The following PRKG1 variants were observed in gnomAD, a reference collection of about 807,000 sequenced individuals.
The protein encoded by PRKG1 is cGMP-dependent protein kinase 1.
In PRKG1, 35 loss-of-function variants were observed where a neutral mutation model predicts 88.1. The observed-to-expected ratio is 0.40, with a 90% CI of 0.30 to 0.53. PRKG1 has a LOEUF of 0.53. PRKG1 is among the 20% of genes least tolerant of loss of function. The probability of loss-of-function intolerance (pLI) is 0.59; values close to 1 mark genes in which losing one functional copy is unlikely to be tolerated. For missense variants in PRKG1, 540 were observed against 839.8 expected, an observed-to-expected ratio of 0.64 and a Z score of 4.41; for synonymous variants, 303 against 292.5, an observed-to-expected ratio of 1.04 and a Z score of -0.37.
At chr10:51,150,187 A>G (rs1467051570) in intron 1 of PRKG1, among the ~76,000 whole-genome samples, 1 of 152,138 alleles carries the variant, frequency 6.6e-6, no homozygotes, top group Non-Finnish European at 1.5e-5. Flanking sequence ...CTCTGGGTTG[A>G]GCAGATGGCT....
intron 2 of PRKG1, among the ~76,000 whole-genome samples, chr10:51,332,709 ATAGT>A (rs528405776): frequency 2.6e-4 from 39 of 152,248 alleles, no homozygotes; most frequent in African/African-American, 8.9e-4. Context: ...ATCGATTAGT[ATAGT>A]TACTTTTTCA....
At chr10:51,527,924 C>A (rs1841922266) in intron 3 of PRKG1, among the ~76,000 whole-genome samples, 1 of 152,152 alleles carries the variant, frequency 6.6e-6, no homozygotes, top group South Asian at 2.1e-4. Flanking sequence ...GAATTTAGCT[C>A]CTTCTCGGGT....
chr10:51,594,387 T>C (rs1225766848), intron 3 of PRKG1, among the ~76,000 whole-genome samples: 1 of 152,204 alleles, frequency 6.6e-6, no homozygotes, highest in Non-Finnish European at 1.5e-5. Context: ...GTTCTGCAGG[T>C]AGCCATAAAG....
chr10:52,267,299 T>C (rs1005982393), intron 10 of PRKG1, among the ~76,000 whole-genome samples: 1 of 152,062 alleles, frequency 6.6e-6, no homozygotes, highest in African/African-American at 2.4e-5. Flanking sequence ...AATAGTGTGG[T>C]TCAGCCCCAG....
chr10:51,656,957 C>T (rs1375737616), intron 3 of PRKG1, among the ~76,000 whole-genome samples: 3 of 152,106 alleles, frequency 2.0e-5, no homozygotes, highest in Non-Finnish European at 4.4e-5. Flanking sequence ...ACTGTGTGGC[C>T]TTGGGCAAGT....
At chr10:51,490,938 C>T (rs10823078) in intron 3 of PRKG1, among the ~76,000 whole-genome samples, 41,712 of 151,772 alleles carry the variant, frequency 0.27, 6,027 homozygotes, top group Admixed American at 0.36. Context: ...TTTTCAGAAA[C>T]ACTTGAAATG....
At chr10:52,271,623 A>AT (rs1841733111) in intron 11 of PRKG1, 134 bp downstream of exon 11, 3 of 963,686 alleles carry the variant, frequency 3.1e-6, no homozygotes, top group South Asian at 6.7e-5. Context: ...TAATCTTAAG[A>AT]AAGTTTTGTT....
At chr10:51,143,142 A>G (rs568016648) in intron 1 of PRKG1, among the ~76,000 whole-genome samples, 50 of 151,936 alleles carry the variant, frequency 3.3e-4, no homozygotes, top group African/African-American at 1.1e-3. Context: ...TTCCCCCCTA[A>G]CTATCCCAGC....
intron 2 of PRKG1, among the ~76,000 whole-genome samples, chr10:51,334,578 C>G (rs1841826336): frequency 6.6e-6 from 1 of 152,192 alleles, no homozygotes; most frequent in South Asian, 2.1e-4. Flanking sequence ...CTTTGTTCCT[C>G]TCTTCCGTGG....
intron 7 of PRKG1, among the ~76,000 whole-genome samples, chr10:52,073,860 C>G (rs143133171): frequency 7.9e-4 from 120 of 152,314 alleles, no homozygotes; most frequent in African/African-American, 2.6e-3. Flanking sequence ...TACACACATG[C>G]AACCTCCCCT....
intron 3 of PRKG1, among the ~76,000 whole-genome samples, chr10:51,629,298 TG>T: frequency 6.6e-6 from 1 of 152,022 alleles, no homozygotes; most frequent in East Asian, 1.9e-4. Context: ...TGGACTGAGG[TG>T]GGGGATGCTT....
chr10:51,887,883 G>A (rs1457869203), intron 4 of PRKG1, among the ~76,000 whole-genome samples: 4 of 152,086 alleles, frequency 2.6e-5, no homozygotes, highest in Non-Finnish European at 5.9e-5. Flanking sequence ...GTGGGGAGAA[G>A]GAAATAGGGA....
intron 5 of PRKG1, among the ~76,000 whole-genome samples, chr10:51,983,531 C>T (rs1184018736): frequency 6.6e-6 from 1 of 152,184 alleles, no homozygotes; most frequent in Non-Finnish European, 1.5e-5. Context: ...TAGACTGGAC[C>T]AGCCCCATCT....
chr10:51,104,956 C>G (rs1027316197), intron 1 of PRKG1, among the ~76,000 whole-genome samples: 2 of 152,046 alleles, frequency 1.3e-5, no homozygotes, highest in Non-Finnish European at 2.9e-5. Flanking sequence ...GTCTCGAACT[C>G]CTCACCTCAA....
In PRKG1 at chr10:52,004,022, A is replaced by G. The variant is rs1844665739; in HGVS notation, c.763-50462A>G. Among the ~76,000 whole-genome samples the G allele has an allele frequency of 2.0e-5, 3 of 151,812 alleles. No individual in the cohort carries two copies. In the South Asian group the frequency reaches 6.2e-4, roughly 31 times the overall value. ...TTATAAGATTATGAGAGTTGAATGT[A>G]TATATAATGTTTAGTATAGCTTTTT... On this transcript the variant is annotated intron_variant, in intron 5 of 17. Coordinates refer to ENST00000373980, the MANE Select transcript of PRKG1 (RefSeq NM_006258.4).
chr10:51,841,739 G>T (rs1272179168), intron 4 of PRKG1, among the ~76,000 whole-genome samples: 1 of 152,006 alleles, frequency 6.6e-6, no homozygotes, highest in Non-Finnish European at 1.5e-5. Flanking sequence ...CTGGAGTGCA[G>T]TGGCGCGATT....
chr10:51,831,735 G>A (rs776155035), intron 4 of PRKG1, among the ~76,000 whole-genome samples: 8 of 152,140 alleles, frequency 5.3e-5, no homozygotes, highest in Non-Finnish European at 1.2e-4. Flanking sequence ...AATTGAATGA[G>A]GGCCCATCCT....
intron 3 of PRKG1, among the ~76,000 whole-genome samples, chr10:51,708,404 T>C (rs1841662735): frequency 1.3e-5 from 2 of 152,168 alleles, no homozygotes; most frequent in Admixed American, 1.3e-4. Flanking sequence ...AGGGACATAA[T>C]TGACTCCGTA....
At chr10:52,219,421 G>A (rs910902072) in intron 9 of PRKG1, among the ~76,000 whole-genome samples, 1 of 152,112 alleles carries the variant, frequency 6.6e-6, no homozygotes, top group African/African-American at 2.4e-5. Flanking sequence ...CAGAACCAAT[G>A]AGGTAGGATA....
Sources: allele counts gnomAD v4.1 joint callset (sites outside exome capture counted in the v4.1 genomes callset), GRCh38; gene constraint gnomAD v4.1.1; transcripts MANE v1.5; gene names NCBI Gene and HGNC (gene_info 2026-07-23, HGNC 2026-07-21).